The following NAT1 variants were observed in gnomAD, a reference collection of about 807,000 sequenced individuals.
NAT1 encodes the protein arylamine N-acetyltransferase 1.
For missense variants in NAT1, 400 were observed against 339.2 expected (o/e 1.18, Z -1.41); for synonymous variants, 144 against 122.6 (o/e 1.17, Z -1.16).
At chr8:18,179,903 C>A (rs1802443587) in intron 2 of NAT1, among the ~76,000 whole-genome samples, 1 of 149,146 alleles carries the variant, frequency 6.7e-6, no homozygotes, top group Non-Finnish European at 1.5e-5. Context: ...AAGATTAAAT[C>A]TTAAGCAACT....
upstream of NAT1, among the ~76,000 whole-genome samples, chr8:18,205,814 T>C (rs533575084): frequency 3.2e-4 from 49 of 152,178 alleles, 1 homozygote; most frequent in African/African-American, 1.1e-3. Flanking sequence ...GCAGAAGCTA[T>C]GATGTAGCTC....
rs6982949 is a variant in NAT1 at position 18,223,414 on chromosome 8, A to G, written c.*494A>G. Reference sequence around the variant, plus strand: ...TCTCATCTTTCTTGTCTCTTAAATTACTTTACTTCCTTGCACACTTTGCCA... The same window carrying G: ...TCTCATCTTTCTTGTCTCTTAAATTGCTTTACTTCCTTGCACACTTTGCCA... On this transcript the variant is annotated 3_prime_UTR_variant, in exon 3 of 3. Transcript: ENST00000307719. 6.0e-6 allele frequency: 1 copy of G among 166,992 alleles called. No homozygotes were observed. Among genetic ancestry groups the G allele is most frequent in the South Asian group, 2.1e-4 (1 of 4,828 alleles). The allele number at this position is 166,992 out of a possible 1,614,324, so 10.3% of individuals were successfully genotyped here.
Position 18,222,124 on chromosome 8 carries a change from A to T in NAT1, c.77A>T (p.Asp26Val). ...AAATTGGACTTGGAAACATTAACTG[A>T]CATTCTTCAACACCAGATCCGAGCT... The part of the protein sequence containing the change: ...RNKLDLETLT[D>V]ILQHQIRAVP... Residue 26 changes from aspartate to valine, a missense_variant, in exon 3 of 3, where the codon GAC becomes GTC. By Grantham distance (152) the Asp-to-Val change is radical (BLOSUM62 -3). Transcript: ENST00000307719. 6.2e-7 allele frequency: 1 copy of T among 1,614,132 alleles called. No individual in the cohort carries two copies. Among genetic ancestry groups the T allele is most frequent in the Non-Finnish European group, 8.5e-7 (1 of 1,179,992 alleles).
intron 2 of NAT1, among the ~76,000 whole-genome samples, chr8:18,180,402 G>A (rs1408153170): frequency 6.6e-6 from 1 of 152,060 alleles, no homozygotes; most frequent in Non-Finnish European, 1.5e-5. Flanking sequence ...GCCTATAGTG[G>A]ATTTGGGAAG....
chr8:18,219,531 G>A (rs28359525), intron 2 of NAT1, 42 bp downstream of exon 2: 1 of 1,122,138 alleles, frequency 8.9e-7, no homozygotes, highest in South Asian at 1.4e-5. Flanking sequence ...GGCTTCCTAA[G>A]CACGTTCACT....
intron 2 of NAT1, among the ~76,000 whole-genome samples, chr8:18,199,469 G>A (rs574209253): frequency 2.0e-5 from 3 of 152,036 alleles, no homozygotes; most frequent in South Asian, 2.1e-4. Flanking sequence ...TAGGGGAGAC[G>A]TCTAGAGACC....
In NAT1 at chr8:18,222,955, C is replaced by A; in HGVS notation, c.*35C>A. ...TAAAACAATCTTGTCTATTTGTCAT[C>A]CAGCTCACCAGTTATCAACTGACGA... On this transcript the variant is annotated 3_prime_UTR_variant, in exon 3 of 3. Transcript: ENST00000307719. 1 of 1,499,606 alleles carries A rather than the reference C, an allele frequency of 6.7e-7. No homozygotes were observed. Among genetic ancestry groups the A allele is most frequent in the Non-Finnish European group, 8.9e-7 (1 of 1,126,786 alleles). The allele number at this position is 1,499,606 out of a possible 1,614,324, so 92.9% of individuals were successfully genotyped here. A position where few individuals can be genotyped will look rare whatever the true frequency, so the allele number is the denominator to read the frequency against.
Position 18,222,953 on chromosome 8 carries a change from A to T in NAT1, c.*33A>T. On this transcript the variant is annotated 3_prime_UTR_variant, in exon 3 of 3. Coordinates refer to ENST00000307719, the MANE Select transcript of NAT1 (RefSeq NM_000662.8). ...AGTAAAACAATCTTGTCTATTTGTC[A>T]TCCAGCTCACCAGTTATCAACTGAC... 1 of 1,506,340 alleles carries T rather than the reference A, an allele frequency of 6.6e-7. No individual in the cohort carries two copies. Among genetic ancestry groups the T allele is most frequent in the Non-Finnish European group, 8.8e-7 (1 of 1,131,472 alleles). The allele number at this position is 1,506,340 out of a possible 1,614,324, so 93.3% of individuals were successfully genotyped here.
upstream of NAT1, among the ~76,000 whole-genome samples, chr8:18,208,142 G>A (rs6981591): frequency 0.067 from 10,181 of 151,890 alleles, 1,050 homozygotes; most frequent in African/African-American, 0.22. Context: ...GTATGGGGAG[G>A]GAGCGCATCA....
At chr8:18,221,005 A>G (rs1383395050) in intron 2 of NAT1, among the ~76,000 whole-genome samples, 1 of 152,178 alleles carries the variant, frequency 6.6e-6, no homozygotes, top group African/African-American at 2.4e-5. Flanking sequence ...ACATTGCTCA[A>G]TTACAACCCT....
At chr8:18,216,356 G>A (rs918794195) in intron 1 of NAT1, among the ~76,000 whole-genome samples, 4 of 152,104 alleles carry the variant, frequency 2.6e-5, no homozygotes, top group Non-Finnish European at 5.9e-5. Context: ...CCAAAGTTAT[G>A]AGCAACCCCA....
chr8:18,175,953 T>G (rs10094013), intron 2 of NAT1, among the ~76,000 whole-genome samples: 3 of 151,928 alleles, frequency 2.0e-5, no homozygotes, highest in African/African-American at 7.3e-5. Context: ...ATTTCCCTGA[T>G]GATTAAAGAT....
intron 2 of NAT1, among the ~76,000 whole-genome samples, chr8:18,171,711 G>A (rs1202515760): frequency 6.6e-6 from 1 of 152,116 alleles, no homozygotes; most frequent in Non-Finnish European, 1.5e-5. Flanking sequence ...CAGACAAAAG[G>A]ACAAACCAGA....
At chr8:18,172,189 G>A (rs34403329) in intron 2 of NAT1, among the ~76,000 whole-genome samples, 24,597 of 152,140 alleles carry the variant, frequency 0.16, 2,093 homozygotes, top group South Asian at 0.26. Flanking sequence ...TTAATGCTTT[G>A]TGTTAATGGG....
At chr8:18,218,640 C>T (rs571294960) in intron 1 of NAT1, among the ~76,000 whole-genome samples, 1 of 152,108 alleles carries the variant, frequency 6.6e-6, no homozygotes, top group Non-Finnish European at 1.5e-5. Flanking sequence ...ATTTGTTTGT[C>T]ATGGTGAAGT....
At chr8:18,207,452 T>C (rs1046397679), upstream of NAT1, among the ~76,000 whole-genome samples, 2 of 152,196 alleles carry the variant, frequency 1.3e-5, no homozygotes, top group African/African-American at 4.8e-5. Flanking sequence ...GAGAATAGCA[T>C]AGAAATTATA....
chr8:18,200,695 TA>T (rs1242556023), intron 2 of NAT1, among the ~76,000 whole-genome samples: 1 of 151,994 alleles, frequency 6.6e-6, no homozygotes, highest in Non-Finnish European at 1.5e-5. Context: ...AGTTAAAAAA[TA>T]ATAAAAAAAC....
At chr8:18,204,433 G>T (rs1345761046) in intron 2 of NAT1, among the ~76,000 whole-genome samples, 2 of 152,120 alleles carry the variant, frequency 1.3e-5, no homozygotes, top group Non-Finnish European at 2.9e-5. Flanking sequence ...TTAAAATCAT[G>T]TTATGTTAAA....
chr8:18,222,887 G>T lies in NAT1; in HGVS notation c.840G>T (p.Val280=), dbSNP rs140926150. The change falls in exon 3 of 3, where the codon GTG becomes GTT. Residue 280 remains valine, a synonymous_variant. Coordinates refer to ENST00000307719, the MANE Select transcript of NAT1 (RefSeq NM_000662.8). ...IFNISLQRKL[V]PKHGDRFFTI The stretch of plus-strand genomic sequence containing the variant: ...ATATTTCCTTGCAGAGAAAGCTTGT[G>T]CCCAAACATGGTGATAGATTTTTTA... 7.0e-6 allele frequency: 11 copies of T among 1,573,566 alleles called. No individual in the cohort carries two copies.
Sources: allele counts gnomAD v4.1 joint callset (sites outside exome capture counted in the v4.1 genomes callset), GRCh38; gene constraint gnomAD v4.1.1; transcripts MANE v1.5; gene names NCBI Gene and HGNC (gene_info 2026-07-23, HGNC 2026-07-21).